The following CFAP61 variants were observed in gnomAD, a reference collection of about 807,000 sequenced individuals.
CFAP61 encodes the protein cilia- and flagella-associated protein 61.
CFAP61 carries 107 observed loss-of-function variants against 135.6 expected under a neutral mutation model. That is an observed-to-expected ratio of 0.79 (90% CI 0.67 to 0.93). The LOEUF (loss-of-function observed/expected upper bound fraction) is 0.93, where lower values mean the gene tolerates loss of function less well. Among genes scored for constraint, CFAP61 ranks in the 40% least tolerant of loss-of-function variants. The pLI, the probability that CFAP61 is intolerant of heterozygous loss-of-function variation, is 0.00. For missense variants in CFAP61, 1,507 were observed against 1,556.2 expected, an observed-to-expected ratio of 0.97 and a Z score of 0.53; for synonymous variants, 575 against 578.5, an observed-to-expected ratio of 0.99 and a Z score of 0.09.
In CFAP61 at chr20:20,055,185, T is replaced by C. The variant is rs937443841; in HGVS notation, c.-36-1433T>C. 9.2e-5 allele frequency among the ~76,000 whole-genome samples: 14 copies of C among 152,208 alleles called. 1 individual carries two copies. Among genetic ancestry groups the C allele is most frequent in the Admixed American group, 3.9e-4 (6 of 15,284 alleles). ...ATGACCTGTTCTCTTCTCATGACTT[T>C]TGTTTCTCTTTCTATATTTCTTTAT... On this transcript the variant is annotated intron_variant, in intron 1 of 26. Transcript: ENST00000245957.
chr20:20,235,377 A>G (rs2049504484), intron 18 of CFAP61, among the ~76,000 whole-genome samples: 1 of 152,034 alleles, frequency 6.6e-6, no homozygotes, highest in Non-Finnish European at 1.5e-5. Flanking sequence ...ACTGTTAGAA[A>G]TGCAGATTTT....
intron 7 of CFAP61, chr20:20,095,828 A>G (rs894714507): frequency 4.6e-5 from 7 of 152,254 alleles, no homozygotes; most frequent in African/African-American, 1.7e-4. Context: ...CAAAACCCTC[A>G]CAGTGGAATA....
chr20:20,069,616 G>C, intron 2 of CFAP61: 1 of 393,076 alleles, frequency 2.5e-6, no homozygotes, highest in Non-Finnish European at 5.0e-6. Context: ...ACATTTCAAC[G>C]TATAGTTACC....
chr20:20,070,181 C>T (rs570217828), intron 2 of CFAP61, among the ~76,000 whole-genome samples: 48 of 152,284 alleles, frequency 3.2e-4, no homozygotes, highest in Middle Eastern at 6.8e-3. Context: ...CTCCTCTCTT[C>T]GCTTTATTAA....
chr20:20,270,704 G>C (rs2053271117), intron 21 of CFAP61, among the ~76,000 whole-genome samples: 1 of 148,022 alleles, frequency 6.8e-6, no homozygotes, highest in South Asian at 2.1e-4. Context: ...TTTTAAGACA[G>C]AGCCTGTCTC....
chr20:20,290,355 A>G lies in CFAP61; in HGVS notation c.3180A>G (p.Pro1060=). Reference sequence around the variant, plus strand: ...TGCATATTGCCAAGCCTGCCATTCCAACTCCCTTGGAGGTACAAATGGCAC... The same window carrying G: ...TGCATATTGCCAAGCCTGCCATTCCGACTCCCTTGGAGGTACAAATGGCAC... ...HYLHIAKPAI[P]TPLEVQMAQP... is the part of the protein sequence containing the mutation. The change falls in exon 24 of 27, where the codon CCA becomes CCG. Residue 1060 remains proline, a synonymous_variant. Transcript: ENST00000245957. 1 of 1,613,136 alleles carries G rather than the reference A, an allele frequency of 6.2e-7. No individual in the cohort carries two copies.
At chr20:20,085,622 G>A (rs2046747816) in intron 6 of CFAP61, 6 of 741,422 alleles carry the variant, frequency 8.1e-6, no homozygotes, top group Non-Finnish European at 1.3e-5. Flanking sequence ...CTTTATTCCT[G>A]ATGTTTATAG....
intron 17 of CFAP61, among the ~76,000 whole-genome samples, chr20:20,224,278 C>A (rs1352359987): frequency 6.6e-6 from 1 of 152,116 alleles, no homozygotes. Flanking sequence ...AACATTTGCT[C>A]ATTTCTCTTC....
At chr20:20,105,621 A>ATTAT (rs555589333) in intron 8 of CFAP61, among the ~76,000 whole-genome samples, 1 of 151,430 alleles carries the variant, frequency 6.6e-6, no homozygotes, top group African/African-American at 2.4e-5. Flanking sequence ...TAAAATTTGA[A>ATTAT]TTATTTATTT....
At chr20:20,335,699 C>A (rs2058161028) in intron 25 of CFAP61, among the ~76,000 whole-genome samples, 1 of 152,214 alleles carries the variant, frequency 6.6e-6, no homozygotes, top group Admixed American at 6.5e-5. Flanking sequence ...CCATCTAGAC[C>A]TTCTCTACCT....
At chr20:20,302,042 G>A (rs548419617) in intron 25 of CFAP61, among the ~76,000 whole-genome samples, 36 of 152,138 alleles carry the variant, frequency 2.4e-4, no homozygotes, top group African/African-American at 8.2e-4. Flanking sequence ...CTCAATTTAG[G>A]TATTCTTTAA....
At chr20:20,354,969 CTG>C (rs1398859796) in intron 26 of CFAP61, among the ~76,000 whole-genome samples, 2 of 147,450 alleles carry the variant, frequency 1.4e-5, no homozygotes, top group African/African-American at 5.1e-5. Context: ...AGTGGTCACA[CTG>C]TGAGAGGGGA....
At chr20:20,176,686 G>A (rs1046417608) in intron 13 of CFAP61, among the ~76,000 whole-genome samples, 7 of 152,096 alleles carry the variant, frequency 4.6e-5, no homozygotes, top group Non-Finnish European at 8.8e-5. Context: ...CGGGGGCCGG[G>A]AGCGGGGAAC....
At chr20:20,056,540 C>A in intron 1 of CFAP61, 78 bp from the exon 2 acceptor site, 1 of 1,013,252 alleles carries the variant, frequency 9.9e-7, no homozygotes, top group Non-Finnish European at 1.5e-6. Context: ...CATGTTCACT[C>A]TGACCACATG....
At chr20:20,180,643 A>C (rs2146849152) in intron 13 of CFAP61, among the ~76,000 whole-genome samples, 1 of 152,356 alleles carries the variant, frequency 6.6e-6, no homozygotes, top group Non-Finnish European at 1.5e-5. Context: ...CATTCCACCC[A>C]GCAACCCCAC....
chr20:20,098,806 G>T lies in CFAP61; in HGVS notation c.851G>T (p.Arg284Ile), dbSNP rs373941177. The stretch of plus-strand genomic sequence containing the variant: ...TCACCACAAGACCTAAGTGTCCGAA[G>T]AAGTCAAGGTACAGTGGCTATCACA... Reference protein sequence around the residue: ...LESPQDLSVRRSQDAELRSSS... With the variant: ...LESPQDLSVRISQDAELRSSS... The change falls in exon 8 of 27, where the codon AGA becomes ATA. Residue 284 changes from arginine to isoleucine, a missense_variant. Coordinates refer to ENST00000245957, the MANE Select transcript of CFAP61 (RefSeq NM_015585.4). 3.7e-6 allele frequency: 6 copies of T among 1,612,014 alleles called. No homozygotes were observed. The African/African-American group carries it at 6.7e-5, about 18-fold the overall frequency.
rs2053546361 is a variant in CFAP61, at chr20:20,273,774, C to A, written c.2504-3392C>A. ...CTGGCTGTAGCCTGGCTGCGTAGGC[C>A]ATGGTGAGTGCTGGGAAGGAAAGGT... On this transcript the variant is annotated intron_variant, in intron 21 of 26. Coordinates refer to ENST00000245957, the MANE Select transcript of CFAP61 (RefSeq NM_015585.4). Among the ~76,000 whole-genome samples, 2 of 152,162 alleles carry A rather than the reference C, an allele frequency of 1.3e-5. 1 individual carries two copies. The highest frequency in any genetic ancestry group is 4.1e-4 in the South Asian group (2 of 4,828).
At chr20:20,067,652 T>C (rs1165931836) in intron 2 of CFAP61, among the ~76,000 whole-genome samples, 1 of 137,468 alleles carries the variant, frequency 7.3e-6, no homozygotes, top group African/African-American at 2.9e-5. Flanking sequence ...AAAATATATA[T>C]ATATATATAT....
At chr20:20,200,047 C>T (rs1433636688) in intron 17 of CFAP61, 145 bp downstream of exon 17, 13 of 948,008 alleles carry the variant, frequency 1.4e-5, no homozygotes, top group Non-Finnish European at 2.0e-5. Context: ...CGGAGCCCCG[C>T]GAAGGCTCCC....
Sources: allele counts gnomAD v4.1 joint callset (sites outside exome capture counted in the v4.1 genomes callset), GRCh38; gene constraint gnomAD v4.1.1; transcripts MANE v1.5; gene names NCBI Gene and HGNC (gene_info 2026-07-23, HGNC 2026-07-21).